Variants in TLR4 observed in about 807,000 individuals in gnomAD.
TLR4 encodes toll-like receptor 4.
TLR4 carries 17 observed loss-of-function variants against 27.4 expected under a neutral mutation model. The observed-to-expected ratio is 0.62, with a 90% confidence interval of 0.42 to 0.93. The LOEUF (loss-of-function observed/expected upper bound fraction) is 0.93, where lower values mean the gene tolerates loss of function less well. Among genes scored for constraint, TLR4 ranks in the 40% least tolerant of loss-of-function variants. The probability of loss-of-function intolerance (pLI) is 0.00; values close to 1 mark genes in which losing one functional copy is unlikely to be tolerated. For missense variants in TLR4, 926 were observed against 962.3 expected (o/e 0.96, Z 0.50); for synonymous variants, 363 against 365.7 (o/e 0.99, Z 0.08).
In TLR4 at chr9:117,719,276, C is replaced by T. The variant is rs1482117757; in HGVS notation, c.*4628C>T. ...GTCACATCAATGAATTAGAAAGATA[C>T]GAAAGTATTTCCAATTTACAAATGA... On this transcript the variant is annotated 3_prime_UTR_variant, in exon 3 of 3. Transcript: ENST00000355622. The T allele has an allele frequency of 1.3e-5, 2 of 152,132 alleles. No individual in the cohort carries two copies. The highest frequency in any genetic ancestry group is 6.5e-5 in the Admixed American group (1 of 15,270). The allele number at this position is 152,132 out of a possible 1,614,324, so 9.4% of individuals were successfully genotyped here. A position where few individuals can be genotyped will look rare whatever the true frequency, so the allele number is the denominator to read the frequency against.
At position 117,714,937 on chromosome 9, in the gene TLR4, A is replaced by T; in HGVS notation, c.*289A>T. 2.2e-6 allele frequency: 1 copy of T among 448,996 alleles called. No individual in the cohort carries two copies. Among genetic ancestry groups the T allele is most frequent in the Non-Finnish European group, 4.1e-6 (1 of 245,336 alleles). The allele number at this position is 448,996 out of a possible 1,614,324, so 27.8% of individuals were successfully genotyped here. On this transcript the variant is annotated 3_prime_UTR_variant, in exon 3 of 3. Coordinates refer to ENST00000355622, the MANE Select transcript of TLR4 (RefSeq NM_138554.5). ...TCTTACCTCATCAAGTTGAATAAAGACAGAGAAAACAGAAAGAGACATTGT... is the reference window on the plus strand; with the variant it reads ...TCTTACCTCATCAAGTTGAATAAAGTCAGAGAAAACAGAAAGAGACATTGT...
Position 117,713,551 on chromosome 9 carries a change from G to C in TLR4, c.1423G>C (p.Val475Leu). ...GIFNGLSSLEVLKMAGNSFQE... is the reference protein window; with the variant it reads ...GIFNGLSSLELLKMAGNSFQE... Reference sequence around the variant, plus strand: ...CTTCAATGGCTTGTCCAGTCTCGAAGTCTTGAAAATGGCTGGCAATTCTTT... The same window carrying C: ...CTTCAATGGCTTGTCCAGTCTCGAACTCTTGAAAATGGCTGGCAATTCTTT... The change falls in exon 3 of 3, where the codon GTC becomes CTC. Residue 475 changes from valine to leucine, a missense_variant. By Grantham distance (32) the Val-to-Leu change is conservative. Coordinates refer to ENST00000355622, the MANE Select transcript of TLR4 (RefSeq NM_138554.5). 1 of 1,614,080 alleles carries C rather than the reference G, an allele frequency of 6.2e-7. No homozygotes were observed. The highest frequency in any genetic ancestry group is 8.5e-7 in the Non-Finnish European group (1 of 1,179,996).
In TLR4 at chr9:117,723,543, C is replaced by T. The variant is rs966422030; in HGVS notation, c.*8895C>T. 5.3e-5 allele frequency: 8 copies of T among 152,176 alleles called. No individual in the cohort carries two copies. Among genetic ancestry groups the T allele is most frequent in the Non-Finnish European group, 1.2e-4 (8 of 68,002 alleles). The allele number at this position is 152,176 out of a possible 1,614,324, so 9.4% of individuals were successfully genotyped here. A position where few individuals can be genotyped will look rare whatever the true frequency, so the allele number is the denominator to read the frequency against. ...GTTTTGAGAATGAAATGAGACAGAG[C>T]CTCCAATAAAATTTAGGGAAGTGCT... On this transcript the variant is annotated 3_prime_UTR_variant, in exon 3 of 3. Coordinates refer to ENST00000355622, the MANE Select transcript of TLR4 (RefSeq NM_138554.5).
chr9:117,713,256 G>A lies in TLR4; in HGVS notation c.1128G>A (p.Glu376=). 6.2e-7 allele frequency: 1 copy of A among 1,614,012 alleles called. No individual in the cohort carries two copies. ...AFSEVDLPSL[E]FLDLSRNGLS... is the part of the protein sequence containing the mutation. ...CAGAAGTTGATCTACCAAGCCTTGA[G>A]TTTCTAGATCTCAGTAGAAATGGCT... The change falls in exon 3 of 3, where the codon GAG becomes GAA. Residue 376 remains glutamate (E), a synonymous_variant. Coordinates refer to ENST00000355622, the MANE Select transcript of TLR4 (RefSeq NM_138554.5).
chr9:117,714,013 A>T lies in TLR4; in HGVS notation c.1885A>T (p.Met629Leu). 6 of 1,613,986 alleles carry T rather than the reference A, an allele frequency of 3.7e-6. No homozygotes were observed. Among genetic ancestry groups the T allele is most frequent in the Admixed American group, 3.3e-5 (2 of 59,988 alleles). ...GCTGAGTTTGAATATCACCTGTCAGATGAATAAGACCATCATTGGTGTGTC... is the reference window on the plus strand; with the variant it reads ...GCTGAGTTTGAATATCACCTGTCAGTTGAATAAGACCATCATTGGTGTGTC... The part of the protein sequence containing the change: ...PVLSLNITCQ[M>L]NKTIIGVSVL... Residue 629 changes from methionine (M) to leucine (L), a missense_variant, in exon 3 of 3, where the codon ATG (methionine) becomes TTG (leucine). Transcript: ENST00000355622.
chr9:117,704,700 G>C, intron 1 of TLR4, 135 bp downstream of exon 1: 1 of 812,738 alleles, frequency 1.2e-6, no homozygotes, highest in Non-Finnish European at 2.0e-6. Context: ...AAGCCACAGA[G>C]ATCAAATAAT....
chr9:117,708,349 T>G (rs1039344646), intron 1 of TLR4: 38 of 1,375,890 alleles, frequency 2.8e-5, no homozygotes, highest in Non-Finnish European at 3.5e-5. Flanking sequence ...GTAGGTGCTC[T>G]TTACTTTCTA....
intron 1 of TLR4, among the ~76,000 whole-genome samples, chr9:117,705,052 T>G (rs1829113780): frequency 6.6e-6 from 1 of 152,014 alleles, no homozygotes; most frequent in Non-Finnish European, 1.5e-5. Flanking sequence ...TCTAAGTGGG[T>G]GTCAGACTTC....
chr9:117,715,143 G>T lies in TLR4; in HGVS notation c.*495G>T. On this transcript the variant is annotated 3_prime_UTR_variant, in exon 3 of 3. Transcript: ENST00000355622. ...ATGCAAGATGCCCCTTCCATTTTAA[G>T]TCTGTCTCCTTACAGAGGTTAAAGT... 1 of 180,510 alleles carries T rather than the reference G, an allele frequency of 5.5e-6. No individual in the cohort carries two copies. The highest frequency in any genetic ancestry group is 1.2e-5 in the Non-Finnish European group (1 of 83,530). The allele number at this position is 180,510 out of a possible 1,614,324, so 11.2% of individuals were successfully genotyped here.
chr9:117,706,399 C>T (rs545042373), intron 1 of TLR4, among the ~76,000 whole-genome samples: 1 of 152,264 alleles, frequency 6.6e-6, no homozygotes, highest in East Asian at 1.9e-4. Context: ...TTTTCTCTCT[C>T]TCCCTTTGTA....
Position 117,712,560 on chromosome 9 carries a change from C to T in TLR4, c.432C>T (p.Phe144=), listed in dbSNP as rs1564265314. The T allele has an allele frequency of 6.2e-7, 1 of 1,613,964 alleles. No homozygotes were observed. Among genetic ancestry groups the T allele is most frequent in the East Asian group, 2.2e-5 (1 of 44,844 alleles). Residue 144 remains phenylalanine, a synonymous_variant, in exon 3 of 3, where the codon TTC becomes TTT. Coordinates refer to ENST00000355622, the MANE Select transcript of TLR4 (RefSeq NM_138554.5). ...VETNLASLEN[F]PIGHLKTLKE... ...CAAATCTAGCATCTCTAGAGAACTTCCCCATTGGACATCTCAAAACTTTGA... is the reference window on the plus strand; with the variant it reads ...CAAATCTAGCATCTCTAGAGAACTTTCCCATTGGACATCTCAAAACTTTGA...
At position 117,708,572 on chromosome 9, in the gene TLR4, A is replaced by G. The variant is rs1431441433; in HGVS notation, c.103A>G (p.Asn35Asp). 12 of 1,613,660 alleles carry G rather than the reference A, an allele frequency of 7.4e-6. No individual in the cohort carries two copies. Among genetic ancestry groups the G allele is most frequent in the African/African-American group, 4.0e-5 (3 of 74,874 alleles). Reference protein sequence around the residue: ...SWEPCVEVVPNITYQCMELNF... With the variant: ...SWEPCVEVVPDITYQCMELNF... ...TGTGTAATCATTGCAGGTGGTTCCT[A>G]ATATTACTTATCAATGCATGGAGCT... The change falls in exon 2 of 3, where the codon AAT becomes GAT. Residue 35 changes from asparagine (N) to aspartate (D), a missense_variant. Coordinates refer to ENST00000355622, the MANE Select transcript of TLR4 (RefSeq NM_138554.5).
At position 117,720,375 on chromosome 9, in the gene TLR4, G is replaced by T. The variant is rs923454427; in HGVS notation, c.*5727G>T. On this transcript the variant is annotated 3_prime_UTR_variant, in exon 3 of 3. Transcript: ENST00000355622. ...CATCTAGAAATTAAAAGTTTAAAAGGCAGAGTCTGCAACTCTCCTTGATTT... is the reference window on the plus strand; with the variant it reads ...CATCTAGAAATTAAAAGTTTAAAAGTCAGAGTCTGCAACTCTCCTTGATTT... 3.9e-5 allele frequency: 6 copies of T among 152,086 alleles called. No individual in the cohort carries two copies. The highest frequency in any genetic ancestry group is 1.4e-4 in the African/African-American group (6 of 41,416). 9.4% of individuals were successfully genotyped at this position (152,086 alleles called of 1,614,324 possible). A position where few individuals can be genotyped will look rare whatever the true frequency, so the allele number is the denominator to read the frequency against.
At chr9:117,710,114 T>C (rs1309316654) in intron 2 of TLR4, among the ~76,000 whole-genome samples, 2 of 152,132 alleles carry the variant, frequency 1.3e-5, no homozygotes, top group East Asian at 3.8e-4. Context: ...GGGATTTACA[T>C]GGTTATATTG....
chr9:117,710,802 CTT>C (rs1236247530), intron 2 of TLR4, among the ~76,000 whole-genome samples: 2 of 152,170 alleles, frequency 1.3e-5, no homozygotes, highest in African/African-American at 4.8e-5. Context: ...ATTTAAATGA[CTT>C]ATATACATTA....
chr9:117,714,340 T>C lies in TLR4; in HGVS notation c.2212T>C (p.Ser738Pro). The C allele has an allele frequency of 6.2e-7, 1 of 1,601,206 alleles. No homozygotes were observed. Among genetic ancestry groups the C allele is most frequent in the South Asian group, 1.1e-5 (1 of 90,774 alleles). Residue 738 changes from serine (S) to proline (P), a missense_variant, in exon 3 of 3, where the codon TCC becomes CCC. Physicochemically the swap from Ser to Pro is moderately conservative, Grantham distance 74. Coordinates refer to ENST00000355622, the MANE Select transcript of TLR4 (RefSeq NM_138554.5). ...HKSRKVIVVV[S>P]QHFIQSRWCI... ...AAGCCGAAAGGTGATTGTTGTGGTG[T>C]CCCAGCACTTCATCCAGAGCCGCTG...
In TLR4 at chr9:117,712,790, G is replaced by A; in HGVS notation, c.662G>A (p.Gly221Asp). 6.2e-7 allele frequency: 1 copy of A among 1,613,902 alleles called. No individual in the cohort carries two copies. Among genetic ancestry groups the A allele is most frequent in the Non-Finnish European group, 8.5e-7 (1 of 1,179,998 alleles). ...SLNPMNFIQP[G>D]AFKEIRLHKL... ...AACCCTATGAACTTTATCCAACCAGGTGCATTTAAAGAAATTAGGCTTCAT... is the reference window on the plus strand; with the variant it reads ...AACCCTATGAACTTTATCCAACCAGATGCATTTAAAGAAATTAGGCTTCAT... The change falls in exon 3 of 3, where the codon GGT becomes GAT. Residue 221 changes from glycine (G) to aspartate (D), a missense_variant. Gly to Asp is a moderately conservative substitution (Grantham distance 94). Coordinates refer to ENST00000355622, the MANE Select transcript of TLR4 (RefSeq NM_138554.5).
chr9:117,709,613 A>G (rs188809386), intron 2 of TLR4, among the ~76,000 whole-genome samples: 91 of 152,306 alleles, frequency 6.0e-4, no homozygotes, highest in African/African-American at 2.1e-3. Flanking sequence ...ATAATGGATC[A>G]TGTTCTCTGC....
Position 117,712,467 on chromosome 9 carries a change from C to T in TLR4, c.339C>T (p.Pro113=), listed in dbSNP as rs138924526. 9.7e-5 allele frequency: 156 copies of T among 1,613,860 alleles called. No individual in the cohort carries two copies. The African/African-American group carries it at 1.9e-3, about 19-fold the overall frequency. The part of the protein sequence containing the change: ...HLSTLILTGN[P]IQSLALGAFS... ...CTACCTTAATATTGACAGGAAACCC[C>T]ATCCAGAGTTTAGCCCTGGGAGCCT... The change falls in exon 3 of 3, where the codon CCC becomes CCT. Residue 113 remains proline, a synonymous_variant. Transcript: ENST00000355622.
Sources: allele counts gnomAD v4.1 joint callset (sites outside exome capture counted in the v4.1 genomes callset), GRCh38; gene constraint gnomAD v4.1.1; transcripts MANE v1.5; gene names NCBI Gene and HGNC (gene_info 2026-07-23, HGNC 2026-07-21).